TRPM6: variants seen among roughly 807,000 people sequenced by gnomAD.
TRPM6 encodes the protein channel kinase 2.
TRPM6 carries 111 observed loss-of-function variants against 247.6 expected under a neutral mutation model. The observed-to-expected ratio is 0.45, with a 90% confidence interval of 0.38 to 0.52. TRPM6 has a LOEUF of 0.52. Ranked by LOEUF, TRPM6 falls within the 20% of genes least tolerant of loss-of-function variation. The probability of loss-of-function intolerance (pLI) is 0.00; values close to 1 mark genes in which losing one functional copy is unlikely to be tolerated. For missense variants in TRPM6, 2,126 were observed against 2,421.5 expected (o/e 0.88, Z 2.56); for synonymous variants, 892 against 853.8 (o/e 1.04, Z -0.78).
chr9:74,811,013 T>A, intron 12 of TRPM6, 145 bp from the exon 13 acceptor site: 1 of 668,510 alleles, frequency 1.5e-6, no homozygotes, highest in Non-Finnish European at 2.6e-6. Context: ...GCCAATTAAT[T>A]CTAAAGAAGG....
chr9:74,812,433 G>C lies in TRPM6; in HGVS notation c.1309C>G (p.Pro437Ala). The change falls in exon 12 of 39, where the codon CCT (proline) becomes GCT (alanine). Residue 437 changes from proline to alanine, a missense_variant and splice_region_variant. Transcript: ENST00000360774. ...HILIYEQHWK[P>A]DALEQAMSDA... ...GACATTGCTTGTTCCAGGGCATCAG[G>C]CTTCAGAAAGCACAAATAAGAAATA... 1 of 1,613,634 alleles carries C rather than the reference G, an allele frequency of 6.2e-7. No homozygotes were observed. Among genetic ancestry groups the C allele is most frequent in the Non-Finnish European group, 8.5e-7 (1 of 1,179,806 alleles).
rs1324545031 is a variant in TRPM6, at chr9:74,733,977, G to C, written c.5777-1241C>G. ...AAAATTCTTTGAGATGTATGCTTAT[G>C]GTATGTGAATTTTCTAAACGTATAT... is the stretch of plus-strand genomic sequence containing the variant. On this transcript the variant is annotated intron_variant, in intron 36 of 38. Transcript: ENST00000360774. 2.6e-5 allele frequency among the ~76,000 whole-genome samples: 4 copies of C among 152,124 alleles called. No individual in the cohort carries two copies. In the East Asian group the frequency reaches 5.8e-4, roughly 22 times the overall value.
At chr9:74,793,620 A>C (rs1209111207) in intron 18 of TRPM6, among the ~76,000 whole-genome samples, 1 of 152,226 alleles carries the variant, frequency 6.6e-6, no homozygotes, top group Non-Finnish European at 1.5e-5. Flanking sequence ...GAAGAAATTG[A>C]GCATACATTG....
chr9:74,820,025 T>G (rs1211021746), intron 9 of TRPM6, among the ~76,000 whole-genome samples: 1 of 152,128 alleles, frequency 6.6e-6, no homozygotes, highest in Non-Finnish European at 1.5e-5. Context: ...TTATTTTAAG[T>G]TCTGGGATAC....
rs1418831787 is a variant in TRPM6, at chr9:74,723,087, G to A, written c.*1526C>T. ...CACATCTCTCCTTGTGTGAAAAGCTGGTGCTTGTTCGAGGTAGGGCAACCA... is the reference window on the plus strand; with the variant it reads ...CACATCTCTCCTTGTGTGAAAAGCTAGTGCTTGTTCGAGGTAGGGCAACCA... On this transcript the variant is annotated 3_prime_UTR_variant, in exon 39 of 39. Transcript: ENST00000360774. 6.6e-6 allele frequency: 1 copy of A among 152,262 alleles called. No homozygotes were observed. Among genetic ancestry groups the A allele is most frequent in the Non-Finnish European group, 1.5e-5 (1 of 68,022 alleles). 9.4% of individuals were successfully genotyped at this position (152,262 alleles called of 1,614,324 possible).
chr9:74,810,695 A>G (rs1828699227), intron 13 of TRPM6, 120 bp downstream of exon 13: 2 of 845,946 alleles, frequency 2.4e-6, no homozygotes, highest in East Asian at 2.4e-5. Context: ...AAGGTAAAGA[A>G]GATAGGTAAT....
At chr9:74,812,557 G>A in intron 11 of TRPM6, 124 bp from the exon 12 acceptor site, 7 of 914,596 alleles carry the variant, frequency 7.7e-6, no homozygotes, top group Non-Finnish European at 1.2e-5. Flanking sequence ...CCTGCCATCA[G>A]TGGGTACAGA....
Position 74,762,790 on chromosome 9 carries a change from C to T in TRPM6, c.3881G>A (p.Arg1294Lys). The T allele has an allele frequency of 6.2e-7, 1 of 1,614,190 alleles. No homozygotes were observed. Among genetic ancestry groups the T allele is most frequent in the South Asian group, 1.1e-5 (1 of 91,090 alleles). ...RSLAGGRHPP[R>K]VQRGALLEIT... ...CTCAAGAAGTGCCCCCCTCTGCACT[C>T]TTGGGGGATGCCGGCCTCCAGCCAG... The change falls in exon 26 of 39, where the codon AGA becomes AAA. Residue 1294 changes from arginine to lysine, a missense_variant. Arg to Lys is a conservative substitution (Grantham distance 26, BLOSUM62 2). This residue lies in a region of TRPM6 where 717 missense variants were observed against 715.9 expected (regional missense o/e 1.00). Coordinates refer to ENST00000360774, the MANE Select transcript of TRPM6 (RefSeq NM_017662.5).
intron 23 of TRPM6, 84 bp from the exon 24 acceptor site, chr9:74,776,160 T>C (rs750651568): frequency 5.0e-6 from 6 of 1,207,666 alleles, no homozygotes; most frequent in Non-Finnish European, 7.4e-6. Context: ...ACATTTATGA[T>C]TGGCTCACCT....
intron 1 of TRPM6, among the ~76,000 whole-genome samples, chr9:74,871,731 GA>G (rs1479197142): frequency 1.3e-5 from 2 of 151,866 alleles, no homozygotes; most frequent in Non-Finnish European, 2.9e-5. Context: ...TTTTTTTTGA[GA>G]GGGGGTCTCA....
chr9:74,883,311 G>C (rs561697962), intron 1 of TRPM6, among the ~76,000 whole-genome samples: 22 of 152,140 alleles, frequency 1.4e-4, no homozygotes, highest in Admixed American at 1.4e-3. Flanking sequence ...TGGCACAACA[G>C]GTATTTAGCT....
intron 25 of TRPM6, among the ~76,000 whole-genome samples, chr9:74,766,403 A>G (rs1224275191): frequency 6.6e-6 from 1 of 152,250 alleles, no homozygotes; most frequent in African/African-American, 2.4e-5. Context: ...GATGGAAGAA[A>G]GATGAGAATG....
intron 5 of TRPM6, among the ~76,000 whole-genome samples, chr9:74,838,820 A>C (rs1345145623): frequency 6.6e-6 from 1 of 152,110 alleles, no homozygotes; most frequent in African/African-American, 2.4e-5. Flanking sequence ...ATAGAAAACC[A>C]CAGGTTAGGC....
intron 1 of TRPM6, among the ~76,000 whole-genome samples, chr9:74,878,756 A>G (rs1244303457): frequency 6.6e-6 from 1 of 152,256 alleles, no homozygotes. Flanking sequence ...GGAACATAAT[A>G]ATTCTCCAGC....
intron 25 of TRPM6, among the ~76,000 whole-genome samples, chr9:74,768,520 C>T (rs1434497354): frequency 6.6e-6 from 1 of 152,218 alleles, no homozygotes; most frequent in African/African-American, 2.4e-5. Flanking sequence ...CAACTTATTG[C>T]TTTCTCTCAC....
intron 23 of TRPM6, among the ~76,000 whole-genome samples, chr9:74,777,220 T>G (rs990443579): frequency 6.6e-6 from 1 of 152,204 alleles, no homozygotes; most frequent in East Asian, 1.9e-4. Context: ...AATAGCAGTT[T>G]CACTCCAACG....
At chr9:74,871,393 G>A in intron 1 of TRPM6, among the ~76,000 whole-genome samples, 1 of 152,016 alleles carries the variant, frequency 6.6e-6, no homozygotes, top group South Asian at 2.1e-4. Flanking sequence ...ATAGATATAG[G>A]CAAATTATAC....
rs770756456 is a variant in TRPM6 at position 74,816,708 on chromosome 9, A to G, written c.1269T>C (p.Ile423=). Residue 423 remains isoleucine, a synonymous_variant, in exon 11 of 39, where the codon ATT becomes ATC. Transcript: ENST00000360774. ...NLAMAWDRVD[I]AKKHILIYEQ... ...CATAAATTAGGATATGTTTCTTGGC[A>G]ATGTCCACCCTGTCCCAAGCCATTG... 1.2e-6 allele frequency: 2 copies of G among 1,614,182 alleles called. No individual in the cohort carries two copies. Among genetic ancestry groups the G allele is most frequent in the Non-Finnish European group, 1.7e-6 (2 of 1,180,030 alleles).
Position 74,762,278 on chromosome 9 carries a change from C to A in TRPM6, c.4393G>T (p.Val1465Leu), listed in dbSNP as rs762052643. 1 of 1,614,222 alleles carries A rather than the reference C, an allele frequency of 6.2e-7. No homozygotes were observed. Among genetic ancestry groups the A allele is most frequent in the South Asian group, 1.1e-5 (1 of 91,084 alleles). ...WAFSEGDETGVFSIKKKWQTC... is the reference protein window; with the variant it reads ...WAFSEGDETGLFSIKKKWQTC... ...TGCCACTTTTTCTTGATGCTAAACA[C>A]ACCAGTTTCATCACCTTCTGAAAAT... is the stretch of plus-strand genomic sequence containing the variant. Residue 1465 changes from valine to leucine, a missense_variant, in exon 26 of 39, where the codon GTG becomes TTG. This residue lies in a region of TRPM6 where 717 missense variants were observed against 715.9 expected (regional missense o/e 1.00). Coordinates refer to ENST00000360774, the MANE Select transcript of TRPM6 (RefSeq NM_017662.5).
Sources: allele counts gnomAD v4.1 joint callset (sites outside exome capture counted in the v4.1 genomes callset), GRCh38; gene constraint gnomAD v4.1.1; regional missense constraint gnomAD v4.1.1; transcripts MANE v1.5; gene names NCBI Gene and HGNC (gene_info 2026-07-23, HGNC 2026-07-21).